SAXO1: variants seen among roughly 807,000 people sequenced by gnomAD.
The protein encoded by SAXO1 is 4930500O09Rik.
In SAXO1, 21 loss-of-function variants were observed where a neutral mutation model predicts 17.5. The ratio of observed to expected loss-of-function variants is 1.20; its 90% CI spans 0.85 to 1.72. The LOEUF (loss-of-function observed/expected upper bound fraction) is 1.72. Ranked by LOEUF, SAXO1 falls within the 40% of genes most tolerant of loss-of-function variation. The pLI is 0.00. For synonymous variants in SAXO1, 274 were observed against 216.5 expected, an observed-to-expected ratio of 1.27 and a Z score of -2.33; for missense variants, 843 against 596.0, an observed-to-expected ratio of 1.41 and a Z score of -4.32.
chr9:19,028,215 A>C (rs1588559673), intron 1 of SAXO1: 5 of 1,008,322 alleles, frequency 5.0e-6, no homozygotes, highest in East Asian at 2.6e-5. Flanking sequence ...CAAAACAAAA[A>C]AAATACAAAA....
At chr9:18,968,824 C>T (rs1832836739) in intron 1 of SAXO1, among the ~76,000 whole-genome samples, 1 of 152,124 alleles carries the variant, frequency 6.6e-6, no homozygotes, top group Non-Finnish European at 1.5e-5. Context: ...GAACTCCTGA[C>T]CTCAGGTAAT....
At chr9:19,031,242 G>T (rs533518217) in intron 1 of SAXO1, among the ~76,000 whole-genome samples, 3 of 152,340 alleles carry the variant, frequency 2.0e-5, no homozygotes, top group African/African-American at 7.2e-5. Context: ...AACAATGCAG[G>T]AGGACACAGG....
chr9:18,968,839 C>G (rs1168724697), intron 1 of SAXO1, among the ~76,000 whole-genome samples: 1 of 152,258 alleles, frequency 6.6e-6, no homozygotes, highest in East Asian at 1.9e-4. Flanking sequence ...GGTAATCCAC[C>G]CACCTCAGCC....
intron 1 of SAXO1, among the ~76,000 whole-genome samples, chr9:18,975,840 C>G (rs878955951): frequency 6.6e-6 from 1 of 152,088 alleles, no homozygotes; most frequent in African/African-American, 2.4e-5. Flanking sequence ...TTGTGCTGAG[C>G]GAAAAGTGAG....
upstream of SAXO1, among the ~76,000 whole-genome samples, chr9:19,034,740 G>A (rs1217343772): frequency 2.6e-5 from 4 of 152,172 alleles, no homozygotes; most frequent in Non-Finnish European, 5.9e-5. Flanking sequence ...CAAAAAAGAG[G>A]TGGGAGCTAT....
At chr9:19,032,838 C>T (rs1305480415) in intron 1 of SAXO1, 33 bp downstream of exon 1, 2 of 1,606,256 alleles carry the variant, frequency 1.2e-6, no homozygotes, top group South Asian at 1.1e-5. Flanking sequence ...AACCCAGGCT[C>T]CCCCAGCCTT....
chr9:19,005,659 C>G (rs1416115261), intron 1 of SAXO1, among the ~76,000 whole-genome samples: 2 of 152,146 alleles, frequency 1.3e-5, no homozygotes, highest in Non-Finnish European at 2.9e-5. Context: ...AGCATAAGAA[C>G]TAAAACTATA....
chr9:19,048,609 G>T (rs1394197526), intron 1 of SAXO1, among the ~76,000 whole-genome samples: 1 of 152,178 alleles, frequency 6.6e-6, no homozygotes, highest in Non-Finnish European at 1.5e-5. Flanking sequence ...AGGGGCACAG[G>T]GTAGCCTATT....
chr9:18,984,409 T>G (rs913701016), intron 1 of SAXO1, among the ~76,000 whole-genome samples: 4 of 152,220 alleles, frequency 2.6e-5, no homozygotes, highest in Non-Finnish European at 4.4e-5. Flanking sequence ...CTTCTTCCAA[T>G]AGATAACTGT....
In SAXO1 at chr9:19,049,007, C is replaced by G. The variant is rs1446960588; in HGVS notation, c.-158+202G>C. ...CTGCACAGTCTCCATCTGCCCTGCC[C>G]TTGTACTCACTGGGCCGGGCAAGCT... On this transcript the variant is annotated intron_variant, in intron 1 of 3. Transcript: ENST00000542071. This position sits in a 1 kb window ranked among gnomAD's most constrained non-coding sequence, Gnocchi z 5.4. 6.6e-6 allele frequency among the ~76,000 whole-genome samples: 1 copy of G among 152,252 alleles called. No individual in the cohort carries two copies. Among genetic ancestry groups the G allele is most frequent in the Admixed American group, 6.5e-5 (1 of 15,288 alleles).
chr9:18,930,124 T>A (rs917421688), intron 3 of SAXO1, among the ~76,000 whole-genome samples: 2 of 152,200 alleles, frequency 1.3e-5, no homozygotes, highest in African/African-American at 4.8e-5. Flanking sequence ...ATATCACACT[T>A]AGGGGCATTT....
At chr9:18,998,904 C>T (rs576701761) in intron 1 of SAXO1, among the ~76,000 whole-genome samples, 57 of 152,310 alleles carry the variant, frequency 3.7e-4, no homozygotes, top group African/African-American at 1.3e-3. Context: ...AAAGCAAATG[C>T]TGAGAGATTT....
chr9:19,030,580 C>T (rs1349009252), intron 1 of SAXO1, among the ~76,000 whole-genome samples: 1 of 152,046 alleles, frequency 6.6e-6, no homozygotes, highest in Non-Finnish European at 1.5e-5. Context: ...GTGGTGGGTA[C>T]CTGTAATCCC....
intron 1 of SAXO1, among the ~76,000 whole-genome samples, chr9:18,961,620 G>C (rs569689247): frequency 6.6e-6 from 1 of 152,102 alleles, no homozygotes; most frequent in Non-Finnish European, 1.5e-5. Flanking sequence ...AGTTTGCTGA[G>C]AATGATGGTT....
intron 1 of SAXO1, among the ~76,000 whole-genome samples, chr9:19,007,003 C>A (rs1405979973): frequency 6.6e-6 from 1 of 151,684 alleles, no homozygotes; most frequent in Non-Finnish European, 1.5e-5. Context: ...TGAGATTGCA[C>A]CACTGCACTC....
At chr9:19,006,873 C>T (rs545651470) in intron 1 of SAXO1, among the ~76,000 whole-genome samples, 7 of 151,760 alleles carry the variant, frequency 4.6e-5, no homozygotes, top group African/African-American at 1.5e-4. Flanking sequence ...GGTGAAACCC[C>T]GTCTCTACTA....
intron 1 of SAXO1, chr9:19,027,932 G>A (rs1835571353): frequency 7.1e-7 from 1 of 1,414,928 alleles, no homozygotes; most frequent in South Asian, 1.2e-5. Context: ...CCCAAAAGAT[G>A]AACGTCAGTC....
chr9:19,010,149 A>AAAAC (rs1554679995), intron 1 of SAXO1, among the ~76,000 whole-genome samples: 4 of 151,242 alleles, frequency 2.6e-5, no homozygotes, highest in African/African-American at 2.4e-5. Flanking sequence ...ATCTAAAAAA[A>AAAAC]AACAACAACA....
chr9:18,994,480 G>T (rs969183423), intron 1 of SAXO1, among the ~76,000 whole-genome samples: 2 of 152,200 alleles, frequency 1.3e-5, no homozygotes, highest in Non-Finnish European at 2.9e-5. Context: ...ACCCAGTGTT[G>T]TAACAATAAA....
Sources: gnomAD v4.1 joint callset for allele counts (sites outside exome capture counted in the v4.1 genomes callset) on GRCh38, gnomAD v4.1.1 for gene constraint, Gnocchi (gnomAD v3.1) non-coding constraint, MANE v1.5 for transcripts, NCBI Gene and HGNC (gene_info 2026-07-23, HGNC 2026-07-21) for gene names.